NINL: variants seen among roughly 807,000 people sequenced by gnomAD.
NINL encodes ninein-like protein.
NINL carries 153 observed loss-of-function variants against 160.3 expected under a neutral mutation model. The observed-to-expected ratio is 0.95, with a 90% confidence interval of 0.84 to 1.09. The LOEUF is 1.09. Ranked by LOEUF, NINL falls within the 50% of genes least tolerant of loss-of-function variation. The pLI, the probability that NINL is intolerant of heterozygous loss-of-function variation, is 0.00. For missense variants in NINL, 1,829 were observed against 1,764.0 expected (o/e 1.04, Z -0.66); for synonymous variants, 800 against 734.8 (o/e 1.09, Z -1.43).
At chr20:25,571,858 ACT>A (rs1489224468) in intron 1 of NINL, among the ~76,000 whole-genome samples, 1 of 116,114 alleles carries the variant, frequency 8.6e-6, no homozygotes, top group African/African-American at 3.4e-5. Flanking sequence ...AGAGAGTGAG[ACT>A]CTGTCTGAAA....
intron 16 of NINL, among the ~76,000 whole-genome samples, chr20:25,477,956 T>A (rs2063300967): frequency 7.1e-6 from 1 of 140,342 alleles, no homozygotes; most frequent in Admixed American, 7.0e-5. Context: ...GAGTCTCACT[T>A]TTTTTTTTTT....
chr20:25,458,369 G>A lies in NINL; in HGVS notation c.3843+14C>T. Reference sequence around the variant, plus strand: ...CTCATCTCGTCAGCCATCTCTCGCTGCATCCCCACTTACCCGCTGTGCATC... The same window carrying A: ...CTCATCTCGTCAGCCATCTCTCGCTACATCCCCACTTACCCGCTGTGCATC... On this transcript the variant is annotated intron_variant, in intron 22 of 23. Transcript: ENST00000278886. 6.2e-7 allele frequency: 1 copy of A among 1,604,974 alleles called. No homozygotes were observed. The highest frequency in any genetic ancestry group is 8.5e-7 in the Non-Finnish European group (1 of 1,179,940).
intron 1 of NINL, among the ~76,000 whole-genome samples, chr20:25,584,443 A>G (rs1266381023): frequency 6.6e-6 from 1 of 152,268 alleles, no homozygotes; most frequent in Non-Finnish European, 1.5e-5. Flanking sequence ...CTGGGCAACA[A>G]GAGTGAAACT....
chr20:25,539,100 G>A (rs1045151800), intron 1 of NINL, among the ~76,000 whole-genome samples: 1 of 152,208 alleles, frequency 6.6e-6, no homozygotes, highest in Non-Finnish European at 1.5e-5. Context: ...TGGCAAGAGT[G>A]CTGATGCCCA....
chr20:25,498,302 C>T lies in NINL; in HGVS notation c.1077G>A (p.Leu359=). The T allele has an allele frequency of 6.2e-7, 1 of 1,613,344 alleles. No individual in the cohort carries two copies. Among genetic ancestry groups the T allele is most frequent in the Non-Finnish European group, 8.5e-7 (1 of 1,180,026 alleles). Residue 359 remains leucine, a synonymous_variant, in exon 9 of 24, where the codon CTG becomes CTA. Coordinates refer to ENST00000278886, the MANE Select transcript of NINL (RefSeq NM_025176.6). ...TGAGCTCGTTGTCAAGGGCCCAGGTCAGCTCCAGAAGGTTCACCTTCTCGT... is the reference window on the plus strand; with the variant it reads ...TGAGCTCGTTGTCAAGGGCCCAGGTTAGCTCCAGAAGGTTCACCTTCTCGT... ...SVDEKVNLLE[L]TWALDNELMT... is the part of the protein sequence containing the mutation.
At chr20:25,475,435 C>T (rs1349332742) in intron 17 of NINL, among the ~76,000 whole-genome samples, 2 of 152,148 alleles carry the variant, frequency 1.3e-5, no homozygotes, top group Admixed American at 1.3e-4. Context: ...CAAAGCCAGA[C>T]AAGGACACTA....
At chr20:25,548,059 C>T (rs2064757239) in intron 1 of NINL, among the ~76,000 whole-genome samples, 1 of 152,218 alleles carries the variant, frequency 6.6e-6, no homozygotes, top group South Asian at 2.1e-4. Flanking sequence ...ATCCACTGGG[C>T]AGATGCACTG....
intron 23 of NINL, 72 bp downstream of exon 23, chr20:25,455,601 C>A: frequency 9.2e-7 from 1 of 1,090,122 alleles, no homozygotes; most frequent in East Asian, 2.4e-5. Flanking sequence ...TATTAGCTAC[C>A]TGCACACCCA....
intron 2 of NINL, among the ~76,000 whole-genome samples, chr20:25,526,015 T>A (rs929593333): frequency 2.0e-5 from 3 of 152,248 alleles, no homozygotes; most frequent in Non-Finnish European, 4.4e-5. Flanking sequence ...TGAAATTGTG[T>A]AAGACAATCT....
chr20:25,500,774 T>A (rs1294089517), intron 8 of NINL, 66 bp downstream of exon 8: 6 of 1,553,014 alleles, frequency 3.9e-6, no homozygotes, highest in Non-Finnish European at 5.2e-6. Context: ...GCTCCATCCA[T>A]CCTCCTCTGC....
chr20:25,558,444 G>A (rs964617427), intron 1 of NINL, among the ~76,000 whole-genome samples: 4 of 152,192 alleles, frequency 2.6e-5, no homozygotes, highest in Non-Finnish European at 5.9e-5. Flanking sequence ...CTGACCTTAG[G>A]TGATCCACCC....
At chr20:25,527,460 A>G (rs1043693480) in intron 1 of NINL, among the ~76,000 whole-genome samples, 7 of 152,048 alleles carry the variant, frequency 4.6e-5, no homozygotes, top group African/African-American at 1.7e-4. Context: ...GCCCAGATTA[A>G]TTTTTCTGTA....
chr20:25,458,269 C>T lies in NINL; in HGVS notation c.3843+114G>A, dbSNP rs2090741714. ...GCCTTCCTTACCATCTGACATGCTA[C>T]ATACGTGACTCATGTATTCACAGTT... is the stretch of plus-strand genomic sequence containing the variant. On this transcript the variant is annotated intron_variant, in intron 22 of 23. Transcript: ENST00000278886. 3 of 1,341,660 alleles carry T rather than the reference C, an allele frequency of 2.2e-6. No homozygotes were observed. In the Admixed American group the frequency reaches 5.1e-5, roughly 23 times the overall value. 83.1% of individuals were successfully genotyped at this position (1,341,660 alleles called of 1,614,324 possible). A position where few individuals can be genotyped will look rare whatever the true frequency, so the allele number is the denominator to read the frequency against.
At chr20:25,498,459 A>G in intron 8 of NINL, 113 bp from the exon 9 acceptor site, 1 of 1,371,650 alleles carries the variant, frequency 7.3e-7, no homozygotes, top group East Asian at 2.5e-5. Flanking sequence ...CCCAGGCAGC[A>G]CCTGCCCCTC....
At chr20:25,543,547 G>A (rs1264011955) in intron 1 of NINL, among the ~76,000 whole-genome samples, 2 of 152,084 alleles carry the variant, frequency 1.3e-5, no homozygotes, top group East Asian at 1.9e-4. Context: ...AACTTTCGAC[G>A]CCTAAGTAAC....
chr20:25,455,803 T>C lies in NINL; in HGVS notation c.3844-17A>G. The C allele has an allele frequency of 1.2e-6, 2 of 1,609,014 alleles. No homozygotes were observed. The highest frequency in any genetic ancestry group is 1.7e-6 in the Non-Finnish European group (2 of 1,175,432). Reference sequence around the variant, plus strand: ...ATGTTCTTCCTGCCATAAAAGAAGGTTGCAGGTGGCCGGGCATGGTGGCTC... The same window carrying C: ...ATGTTCTTCCTGCCATAAAAGAAGGCTGCAGGTGGCCGGGCATGGTGGCTC... On this transcript the variant is annotated splice_polypyrimidine_tract_variant and intron_variant, in intron 22 of 23. Coordinates refer to ENST00000278886, the MANE Select transcript of NINL (RefSeq NM_025176.6).
At chr20:25,559,938 C>T (rs73337349) in intron 1 of NINL, among the ~76,000 whole-genome samples, 13,350 of 150,658 alleles carry the variant, frequency 0.089, 979 homozygotes, top group African/African-American at 0.2. Context: ...CATTGATTGT[C>T]GATTGATTGA....
chr20:25,538,763 A>AGGATAGCACAGAACT (rs1320379852), intron 1 of NINL, among the ~76,000 whole-genome samples: 1 of 151,798 alleles, frequency 6.6e-6, no homozygotes, highest in Non-Finnish European at 1.5e-5. Flanking sequence ...CACAGAACTG[A>AGGATAGCACAGAACT]GGAGAGCACA....
chr20:25,512,183 G>A (rs926105126), intron 4 of NINL, among the ~76,000 whole-genome samples: 1 of 152,202 alleles, frequency 6.6e-6, no homozygotes, highest in African/African-American at 2.4e-5. Context: ...CAAGGCCCCA[G>A]GACGCATTGG....
Sources: gnomAD v4.1 joint callset for allele counts (sites outside exome capture counted in the v4.1 genomes callset) on GRCh38, gnomAD v4.1.1 for gene constraint, MANE v1.5 for transcripts, NCBI Gene and HGNC (gene_info 2026-07-23, HGNC 2026-07-21) for gene names.